The following PABPC4L variants were observed in gnomAD, a reference collection of about 807,000 sequenced individuals.
PABPC4L encodes poly(A) binding protein cytoplasmic 4 like.
For missense variants in PABPC4L, 452 were observed against 451.4 expected, an observed-to-expected ratio of 1.00 and a Z score of -0.01; for synonymous variants, 169 against 164.1, an observed-to-expected ratio of 1.03 and a Z score of -0.23.
At chr4:134,107,986 G>A in the PABPC4L span, among the ~76,000 whole-genome samples, 1 of 151,328 alleles carries the variant, frequency 6.6e-6, no homozygotes, top group Admixed American at 6.6e-5. Flanking sequence ...TTATATTAAA[G>A]CTTAAGAGAC....
the PABPC4L span, among the ~76,000 whole-genome samples, chr4:134,028,569 A>AC: frequency 2.0e-5 from 3 of 151,944 alleles, no homozygotes; most frequent in Admixed American, 2.0e-4. Flanking sequence ...CCTTTAGTGC[A>AC]CTATGTACCT....
the PABPC4L span, among the ~76,000 whole-genome samples, chr4:134,164,066 A>G: frequency 4.6e-5 from 7 of 151,538 alleles, no homozygotes; most frequent in East Asian, 1.2e-3. Context: ...GATCGAGACC[A>G]TCCCGGCTAA....
At chr4:134,006,860 G>A in the PABPC4L span, among the ~76,000 whole-genome samples, 132 of 151,662 alleles carry the variant, frequency 8.7e-4, 1 homozygote, top group African/African-American at 3.1e-3. Flanking sequence ...CAATCTCAAA[G>A]TGTGATCTTC....
the PABPC4L span, among the ~76,000 whole-genome samples, chr4:133,957,414 C>G: frequency 1.3e-5 from 2 of 152,210 alleles, no homozygotes; most frequent in Non-Finnish European, 2.9e-5. Context: ...CTTCAGCAGT[C>G]TACCCCTGTG....
chr4:134,023,133 G>T, the PABPC4L span, among the ~76,000 whole-genome samples: 1 of 152,012 alleles, frequency 6.6e-6, no homozygotes, highest in Non-Finnish European at 1.5e-5. Flanking sequence ...CTAGGTATTT[G>T]GAAGACAGAG....
chr4:134,192,724 G>T (rs139012521), downstream of PABPC4L, among the ~76,000 whole-genome samples: 1,236 of 152,200 alleles, frequency 8.1e-3, 14 homozygotes, highest in African/African-American at 0.028. Context: ...AGTATGAAAT[G>T]AATCTCACTA....
At chr4:134,069,988 G>GTTTTTTTTTTTTTTTTTTTT in the PABPC4L span, among the ~76,000 whole-genome samples, 1 of 108,336 alleles carries the variant, frequency 9.2e-6, no homozygotes, top group African/African-American at 3.7e-5. Flanking sequence ...CCTTTGGAGG[G>GTTTTTTTTTTTTTTTTTTTT]TTTTTTTTTT....
the PABPC4L span, among the ~76,000 whole-genome samples, chr4:134,070,461 G>A: frequency 6.6e-6 from 1 of 152,148 alleles, no homozygotes; most frequent in Non-Finnish European, 1.5e-5. Context: ...GATTAAGGCA[G>A]TTGTGGTGAT....
chr4:134,029,955 G>C, the PABPC4L span, among the ~76,000 whole-genome samples: 1 of 151,722 alleles, frequency 6.6e-6, no homozygotes, highest in Non-Finnish European at 1.5e-5. Context: ...GAGATCTGAT[G>C]GTTTTATAAG....
At chr4:134,195,430 A>C (rs73858047), downstream of PABPC4L, among the ~76,000 whole-genome samples, 3,440 of 151,762 alleles carry the variant, frequency 0.023, 130 homozygotes, top group African/African-American at 0.078. Flanking sequence ...TATGACTGAT[A>C]TTCACTGAAT....
At chr4:134,003,588 C>T in the PABPC4L span, among the ~76,000 whole-genome samples, 3 of 151,816 alleles carry the variant, frequency 2.0e-5, no homozygotes, top group Non-Finnish European at 4.4e-5. Context: ...TAATTTATTA[C>T]TTTATTAAAA....
At chr4:134,027,453 A>G in the PABPC4L span, among the ~76,000 whole-genome samples, 5 of 152,126 alleles carry the variant, frequency 3.3e-5, no homozygotes, top group South Asian at 1.0e-3. Flanking sequence ...GTGTATATAT[A>G]CTACATTTGC....
the PABPC4L span, among the ~76,000 whole-genome samples, chr4:134,152,487 C>A: frequency 6.6e-6 from 1 of 152,146 alleles, no homozygotes; most frequent in Admixed American, 6.5e-5. Flanking sequence ...AGTGGTTCTG[C>A]CTCTGTGGCA....
At chr4:133,991,890 G>A in the PABPC4L span, among the ~76,000 whole-genome samples, 286 of 152,268 alleles carry the variant, frequency 1.9e-3, no homozygotes, top group African/African-American at 6.5e-3. Context: ...GTGGAGTTTC[G>A]GGGTGTAATG....
chr4:134,026,096 G>A, the PABPC4L span, among the ~76,000 whole-genome samples: 3 of 151,962 alleles, frequency 2.0e-5, no homozygotes, highest in African/African-American at 7.2e-5. Context: ...TGTTTTGATT[G>A]TCTGTCACCC....
chr4:134,019,398 C>G, the PABPC4L span, among the ~76,000 whole-genome samples: 1 of 152,022 alleles, frequency 6.6e-6, no homozygotes, highest in Non-Finnish European at 1.5e-5. Context: ...TATAAAAATG[C>G]CTCTTTATAA....
the PABPC4L span, among the ~76,000 whole-genome samples, chr4:133,996,185 A>T: frequency 6.6e-6 from 1 of 152,146 alleles, no homozygotes; most frequent in Non-Finnish European, 1.5e-5. Flanking sequence ...GAGGTAAAGA[A>T]GGTGACGGTT....
chr4:134,077,886 T>G, the PABPC4L span, among the ~76,000 whole-genome samples: 1 of 152,132 alleles, frequency 6.6e-6, no homozygotes, highest in Non-Finnish European at 1.5e-5. Flanking sequence ...CAATTAAATA[T>G]TTATCTTTAA....
chr4:133,968,248 T>C, the PABPC4L span, among the ~76,000 whole-genome samples: 2 of 152,148 alleles, frequency 1.3e-5, no homozygotes, highest in African/African-American at 4.8e-5. Context: ...CCTTGGAAAG[T>C]AGTGCATGTG....
Sources: allele counts gnomAD v4.1 joint callset (sites outside exome capture counted in the v4.1 genomes callset), GRCh38; gene constraint gnomAD v4.1.1; transcripts MANE v1.5; gene names NCBI Gene and HGNC (gene_info 2026-07-23, HGNC 2026-07-21).